Variants in SYNE2 observed in about 807,000 individuals in gnomAD.
SYNE2 encodes nesprin-2.
Under a neutral mutation model 856.3 loss-of-function variants are expected in SYNE2, and 431 were observed. The observed-to-expected ratio is 0.50, with a 90% CI of 0.47 to 0.55. The LOEUF (loss-of-function observed/expected upper bound fraction) is 0.55. SYNE2 is among the 20% of genes least tolerant of loss of function. The pLI is 0.00. For missense variants in SYNE2, 8,129 were observed against 8,023.2 expected (o/e 1.01, Z -0.50); for synonymous variants, 2,923 against 2,872.3 (o/e 1.02, Z -0.56).
rs150173839 is a variant in SYNE2 at position 64,079,245 on chromosome 14, A to G, written c.11163+639A>G. On this transcript the variant is annotated intron_variant, in intron 55 of 115. Transcript: ENST00000555002. ...ATATTAAAGCTCTTTTTTAGACTGC[A>G]AAGGTTAAATAAAAATAAAAATTCC... 4.8e-3 allele frequency among the ~76,000 whole-genome samples: 735 copies of G among 152,350 alleles called. 20 individuals carry two copies. The East Asian group carries it at 0.091, about 19-fold the overall frequency.
At chr14:64,037,566 A>T (rs2097101831) in intron 45 of SYNE2, among the ~76,000 whole-genome samples, 1 of 60,648 alleles carries the variant, frequency 1.6e-5, no homozygotes, top group African/African-American at 3.2e-5. Flanking sequence ...CCGATTTCTC[A>T]ATCTTTTCCC....
chr14:63,959,631 G>A (rs1379818469), intron 8 of SYNE2, among the ~76,000 whole-genome samples: 1 of 151,894 alleles, frequency 6.6e-6, no homozygotes, highest in Admixed American at 6.6e-5. Flanking sequence ...TTGGACATTG[G>A]TCTGGCTTCA....
intron 100 of SYNE2, 144 bp from the exon 101 acceptor site, chr14:64,208,614 G>T: frequency 1.2e-6 from 1 of 805,620 alleles, no homozygotes; most frequent in Non-Finnish European, 2.1e-6. Context: ...GATTCCATGT[G>T]TACTGCCAAG....
intron 113 of SYNE2, 106 bp downstream of exon 113, chr14:64,223,486 G>T (rs1458093611): frequency 1.1e-5 from 15 of 1,329,282 alleles, no homozygotes; most frequent in Non-Finnish European, 1.6e-5. Context: ...GCAAGGGCCA[G>T]GTGGTCCGAG....
At chr14:64,218,088 T>C (rs1340515686) in intron 108 of SYNE2, 1 of 363,582 alleles carries the variant, frequency 2.8e-6, no homozygotes, top group African/African-American at 2.1e-5. Context: ...ATTGTTCTGA[T>C]TTGTTTCGTG....
At chr14:64,078,694 G>C (rs1030139165) in intron 55 of SYNE2, 88 bp downstream of exon 55, 1 of 1,490,484 alleles carries the variant, frequency 6.7e-7, no homozygotes, top group African/African-American at 1.4e-5. Context: ...TGAGTTCTTT[G>C]AATTAATCTG....
intron 64 of SYNE2, 79 bp downstream of exon 64, chr14:64,102,121 C>T: frequency 9.9e-7 from 1 of 1,008,066 alleles, no homozygotes; most frequent in Non-Finnish European, 1.6e-6. Context: ...GCACGACTTT[C>T]TTTCCCTACA....
chr14:63,879,663 C>T (rs568237900), intron 1 of SYNE2, among the ~76,000 whole-genome samples: 1 of 152,264 alleles, frequency 6.6e-6, no homozygotes, highest in Admixed American at 6.5e-5. Context: ...GTTCACTTGC[C>T]CCAGCCTGAG....
At position 64,202,905 on chromosome 14, in the gene SYNE2, CTGT is replaced by C; in HGVS notation, c.18148_18150del (p.Val6050del). 6.2e-7 allele frequency: 1 copy of C among 1,614,200 alleles called. No individual in the cohort carries two copies. The highest frequency in any genetic ancestry group is 8.5e-7 in the Non-Finnish European group (1 of 1,180,044). ...CGAATTGAGTCTGAGCTTTCCAAGC[CTGT>C]TGTTTATGATGTCTGCGATGATCAA... On this transcript the variant is annotated inframe_deletion, in exon 100 of 116. Transcript: ENST00000555002.
chr14:63,774,850 C>T (rs1284488173), intron 1 of SYNE2, among the ~76,000 whole-genome samples: 1 of 152,088 alleles, frequency 6.6e-6, no homozygotes, highest in African/African-American at 2.4e-5. Flanking sequence ...TGCAAGGCAG[C>T]ATGTTAGGCA....
intron 1 of SYNE2, among the ~76,000 whole-genome samples, chr14:63,903,587 C>T (rs2095366468): frequency 6.6e-6 from 1 of 152,146 alleles, no homozygotes; most frequent in African/African-American, 2.4e-5. Context: ...CCTCAGACTC[C>T]TGGGTAGCTA....
chr14:63,961,748 C>T, intron 9 of SYNE2, 123 bp downstream of exon 9: 1 of 729,936 alleles, frequency 1.4e-6, no homozygotes, highest in East Asian at 2.8e-5. Flanking sequence ...GCATACACCC[C>T]TGTAAATCAT....
intron 1 of SYNE2, among the ~76,000 whole-genome samples, chr14:63,875,648 G>GA (rs201704453): frequency 6.5e-4 from 97 of 148,140 alleles, no homozygotes; most frequent in African/African-American, 1.9e-3. Context: ...TAACAGAATA[G>GA]AAAAAAAAAA....
intron 94 of SYNE2, 146 bp from the exon 95 acceptor site, chr14:64,174,798 G>A: frequency 1.5e-6 from 1 of 681,446 alleles, no homozygotes; most frequent in South Asian, 1.8e-5. Context: ...TGATGTGTGT[G>A]TGTATGTACA....
At chr14:63,890,363 A>G (rs530917550) in intron 1 of SYNE2, among the ~76,000 whole-genome samples, 1 of 152,218 alleles carries the variant, frequency 6.6e-6, no homozygotes, top group Non-Finnish European at 1.5e-5. Flanking sequence ...GCGCTCGGCT[A>G]TTAAGGGGTT....
At chr14:64,160,430 T>A (rs1481599263) in intron 87 of SYNE2, among the ~76,000 whole-genome samples, 1 of 152,208 alleles carries the variant, frequency 6.6e-6, no homozygotes, top group Non-Finnish European at 1.5e-5. Flanking sequence ...TGTCAAGCAT[T>A]TTTTAACTTC....
At chr14:63,782,966 T>C (rs2139742640) in intron 1 of SYNE2, among the ~76,000 whole-genome samples, 2 of 152,294 alleles carry the variant, frequency 1.3e-5, no homozygotes, top group East Asian at 3.9e-4. Context: ...CTTCACCTGG[T>C]GATTATAGTT....
intron 65 of SYNE2, 144 bp from the exon 66 acceptor site, chr14:64,113,197 G>A: frequency 2.0e-6 from 3 of 1,510,428 alleles, no homozygotes; most frequent in Non-Finnish European, 2.6e-6. Flanking sequence ...CTATGAGTGT[G>A]GAGGTGCATT....
chr14:64,168,733 A>AT, intron 92 of SYNE2, 144 bp from the exon 93 acceptor site: 1 of 653,594 alleles, frequency 1.5e-6, no homozygotes, highest in Non-Finnish European at 2.7e-6. Context: ...ATAGTTGAAC[A>AT]TTTTTTGCAG....
Sources: allele counts gnomAD v4.1 joint callset (sites outside exome capture counted in the v4.1 genomes callset), GRCh38; gene constraint gnomAD v4.1.1; transcripts MANE v1.5; gene names NCBI Gene and HGNC (gene_info 2026-07-23, HGNC 2026-07-21).